Variants in MKLN1 observed in about 807,000 individuals in gnomAD.
MKLN1 encodes muskelin.
Under a neutral mutation model 99.0 loss-of-function variants are expected in MKLN1, and 18 were observed. That is an observed-to-expected ratio of 0.18 (90% confidence interval 0.13 to 0.27). The LOEUF is 0.27. Among genes scored for constraint, MKLN1 ranks in the 10% least tolerant of loss-of-function variants. The probability of loss-of-function intolerance (pLI) is 1.00; values close to 1 mark genes in which losing one functional copy is unlikely to be tolerated. For missense variants in MKLN1, 621 were observed against 875.9 expected, an observed-to-expected ratio of 0.71 and a Z score of 3.67; for synonymous variants, 288 against 293.2, an observed-to-expected ratio of 0.98 and a Z score of 0.18.
intron 3 of MKLN1, among the ~76,000 whole-genome samples, chr7:131,301,560 T>C (rs1193233176): frequency 6.6e-6 from 1 of 152,198 alleles, no homozygotes; most frequent in East Asian, 1.9e-4. Context: ...AATTGTCCTT[T>C]TCAGACTAAT....
chr7:131,257,796 T>C (rs1249983447), intron 3 of MKLN1, among the ~76,000 whole-genome samples: 4 of 152,008 alleles, frequency 2.6e-5, no homozygotes, highest in African/African-American at 7.3e-5. Flanking sequence ...GGGGAAAAAG[T>C]CTTGGATGCT....
intron 1 of MKLN1, among the ~76,000 whole-genome samples, chr7:131,121,242 A>G (rs1195397681): frequency 6.6e-6 from 1 of 152,184 alleles, no homozygotes; most frequent in Non-Finnish European, 1.5e-5. Context: ...ATCCGCCTCC[A>G]TGATCCAGTC....
intron 3 of MKLN1, among the ~76,000 whole-genome samples, chr7:131,316,239 A>C (rs752333325): frequency 6.6e-6 from 1 of 152,216 alleles, no homozygotes; most frequent in Non-Finnish European, 1.5e-5. Context: ...CTCTGGGACA[A>C]AGCTTACAGA....
intron 3 of MKLN1, among the ~76,000 whole-genome samples, chr7:131,309,369 C>T (rs920257302): frequency 4.0e-5 from 6 of 151,432 alleles, no homozygotes; most frequent in South Asian, 2.1e-4. Flanking sequence ...TTCTAGTTGC[C>T]GTGAATATAC....
intron 1 of MKLN1, among the ~76,000 whole-genome samples, chr7:131,355,959 A>G (rs562357907): frequency 8.7e-4 from 132 of 151,238 alleles, no homozygotes; most frequent in South Asian, 1.9e-3. Flanking sequence ...TACTTTTTCT[A>G]TCTCTTAAAT....
chr7:131,136,259 A>G (rs1192026039), intron 1 of MKLN1, among the ~76,000 whole-genome samples: 1 of 152,238 alleles, frequency 6.6e-6, no homozygotes, highest in African/African-American at 2.4e-5. Flanking sequence ...GGGAGTGAGC[A>G]GCACCAAGTC....
intron 3 of MKLN1, among the ~76,000 whole-genome samples, chr7:131,322,725 C>T (rs890091556): frequency 3.3e-5 from 5 of 151,548 alleles, no homozygotes; most frequent in East Asian, 1.9e-4. Context: ...CGCCCGCCAC[C>T]GCGCCCGGCT....
intron 6 of MKLN1, among the ~76,000 whole-genome samples, chr7:131,403,349 C>G (rs1389086209): frequency 6.6e-6 from 1 of 152,166 alleles, no homozygotes; most frequent in Non-Finnish European, 1.5e-5. Flanking sequence ...TAAGGCCATG[C>G]TTTAGATTAG....
intron 3 of MKLN1, among the ~76,000 whole-genome samples, chr7:131,228,219 A>G (rs191698280): frequency 6.6e-6 from 1 of 152,300 alleles, no homozygotes; most frequent in East Asian, 1.9e-4. Flanking sequence ...GTGCACCACC[A>G]TACCCAGCTA....
intron 1 of MKLN1, among the ~76,000 whole-genome samples, chr7:131,333,077 C>T (rs1336486103): frequency 2.6e-5 from 4 of 152,162 alleles, no homozygotes; most frequent in Non-Finnish European, 4.4e-5. Context: ...GCGTGCACCA[C>T]CACGTCTGGT....
At chr7:131,245,296 T>A (rs1338682581) in intron 3 of MKLN1, among the ~76,000 whole-genome samples, 1 of 140,304 alleles carries the variant, frequency 7.1e-6, no homozygotes, top group Non-Finnish European at 1.5e-5. Flanking sequence ...TGAGACAGAG[T>A]CTCGCTCTGT....
chr7:131,119,100 C>T (rs1335517658), intron 1 of MKLN1, among the ~76,000 whole-genome samples: 1 of 152,188 alleles, frequency 6.6e-6, no homozygotes, highest in African/African-American at 2.4e-5. Flanking sequence ...GCCTATGAGC[C>T]TGTAAAATCA....
intron 3 of MKLN1, among the ~76,000 whole-genome samples, chr7:131,238,727 G>C (rs909827820): frequency 6.6e-6 from 1 of 152,194 alleles, no homozygotes; most frequent in Non-Finnish European, 1.5e-5. Flanking sequence ...GGCTGATAGT[G>C]GTGGTTCTCT....
At position 131,184,746 on chromosome 7, in the gene MKLN1, C is replaced by T. The variant is rs1370339673; in HGVS notation, c.-296-18111C>T. ...TTCACCACATTGGCCAGGCTAGTCT[C>T]GAACTCCTGACCTCAGGTGATCTGC... On this transcript the variant is annotated intron_variant, in intron 2 of 7. Transcript: ENST00000416992. 2.0e-5 allele frequency among the ~76,000 whole-genome samples: 3 copies of T among 152,130 alleles called. No homozygotes were observed. The South Asian group carries it at 6.2e-4, about 32-fold the overall frequency.
At chr7:131,111,024 G>C (rs1037025322) in intron 1 of MKLN1, among the ~76,000 whole-genome samples, 1 of 152,194 alleles carries the variant, frequency 6.6e-6, no homozygotes, top group Non-Finnish European at 1.5e-5. Flanking sequence ...TGGCACGTAG[G>C]AACATTACTT....
intron 1 of MKLN1, among the ~76,000 whole-genome samples, chr7:131,368,280 A>G (rs779098737): frequency 6.6e-6 from 1 of 152,226 alleles, no homozygotes; most frequent in Non-Finnish European, 1.5e-5. Context: ...TTAAAAGACA[A>G]TGAGCTTTTA....
intron 3 of MKLN1, among the ~76,000 whole-genome samples, chr7:131,209,114 T>A (rs1355457971): frequency 1.3e-5 from 2 of 152,082 alleles, no homozygotes; most frequent in Non-Finnish European, 2.9e-5. Context: ...GGCAAGAAAT[T>A]TGAGTTTGAG....
intron 1 of MKLN1, among the ~76,000 whole-genome samples, chr7:131,120,360 A>G (rs1795345061): frequency 6.7e-6 from 1 of 149,904 alleles, no homozygotes; most frequent in South Asian, 2.1e-4. Context: ...CCCCATCTCT[A>G]CTAAAAATAC....
intron 8 of MKLN1, among the ~76,000 whole-genome samples, chr7:131,418,009 T>A (rs1795073762): frequency 1.3e-5 from 2 of 152,200 alleles, no homozygotes; most frequent in African/African-American, 4.8e-5. Context: ...TGAGACCTGA[T>A]TGTAGAAGGA....
Sources: allele counts gnomAD v4.1 joint callset (sites outside exome capture counted in the v4.1 genomes callset), GRCh38; gene constraint gnomAD v4.1.1; transcripts MANE v1.5; gene names NCBI Gene and HGNC (gene_info 2026-07-23, HGNC 2026-07-21).